Variants in UGT1A4 observed in about 807,000 individuals in gnomAD.
The protein encoded by UGT1A4 is UDP glucuronosyltransferase family 1 member A4, also known as UDP-glucuronosyltransferase 1A4.
In UGT1A4, 32 loss-of-function variants were observed where a neutral mutation model predicts 41.1. The ratio of observed to expected loss-of-function variants is 0.78; its 90% confidence interval spans 0.59 to 1.05. The LOEUF (loss-of-function observed/expected upper bound fraction) is 1.05. Ranked by LOEUF, UGT1A4 falls within the 50% of genes least tolerant of loss-of-function variation. The pLI is 0.00. For synonymous variants in UGT1A4, 283 were observed against 265.1 expected, an observed-to-expected ratio of 1.07 and a Z score of -0.66; for missense variants, 748 against 677.4, an observed-to-expected ratio of 1.10 and a Z score of -1.16.
At chr2:233,729,450 G>A (rs1394250627) in intron 1 of UGT1A4, 1 of 1,614,082 alleles carries the variant, frequency 6.2e-7, no homozygotes, top group Admixed American at 1.7e-5. Flanking sequence ...ATTTTCTGAA[G>A]AAATTTTTCA....
rs1385911118 is a variant in UGT1A4 at position 233,719,570 on chromosome 2, C to T, written c.750C>T (p.Ser250=). 16 of 1,613,822 alleles carry T rather than the reference C, an allele frequency of 9.9e-6. No individual in the cohort carries two copies. Among genetic ancestry groups the T allele is most frequent in the African/African-American group, 1.3e-5 (1 of 74,888 alleles). ...QREVSVVDLV[S]YASVWLFRGD... ...AGGTGTCAGTGGTGGATCTTGTCAG[C>T]TATGCATCCGTGTGGCTGTTCCGAG... The change falls in exon 1 of 5, where the codon AGC becomes AGT. Residue 250 remains serine, a synonymous_variant. Transcript: ENST00000373409.
intron 1 of UGT1A4, among the ~76,000 whole-genome samples, chr2:233,766,542 G>T (rs186130827): frequency 4.6e-5 from 7 of 152,298 alleles, no homozygotes; most frequent in African/African-American, 1.7e-4. Context: ...AAACAAAAAT[G>T]CCTGTCCTCA....
chr2:233,733,519 G>C (rs951555502), intron 1 of UGT1A4, among the ~76,000 whole-genome samples: 3 of 152,168 alleles, frequency 2.0e-5, no homozygotes, highest in Non-Finnish European at 2.9e-5. Context: ...AGGCATGAAG[G>C]GATGTTTAAT....
intron 1 of UGT1A4, among the ~76,000 whole-genome samples, chr2:233,764,553 G>A (rs1698592090): frequency 1.3e-5 from 2 of 152,198 alleles, no homozygotes; most frequent in South Asian, 4.1e-4. Flanking sequence ...GTGTGGGAGG[G>A]TGTGCCTGGA....
intron 1 of UGT1A4, among the ~76,000 whole-genome samples, chr2:233,765,655 G>A (rs1698901056): frequency 6.6e-6 from 1 of 151,526 alleles, no homozygotes; most frequent in African/African-American, 2.4e-5. Context: ...AATAGGTGCA[G>A]CAAACCACCA....
chr2:233,739,804 C>T (rs901133058), intron 1 of UGT1A4, among the ~76,000 whole-genome samples: 1 of 152,002 alleles, frequency 6.6e-6, no homozygotes, highest in Non-Finnish European at 1.5e-5. Flanking sequence ...GTTGGGAAGG[C>T]ATGATTGGTT....
Position 233,772,812 on chromosome 2 carries a change from C to T in UGT1A4, c.*253C>T, listed in dbSNP as rs61757316. ...ATGACATGTGCCATTTTTCAGAGGA[C>T]GTGCAGACAGGCTGGCATTCTAGAT... On this transcript the variant is annotated 3_prime_UTR_variant, in exon 5 of 5. Coordinates refer to ENST00000373409, the MANE Select transcript of UGT1A4 (RefSeq NM_007120.3). The T allele has an allele frequency of 4.4e-5, 46 of 1,035,780 alleles. No individual in the cohort carries two copies. The highest frequency in any genetic ancestry group is 6.9e-4 in the Middle Eastern group (2 of 2,918). 64.2% of individuals were successfully genotyped at this position (1,035,780 alleles called of 1,614,324 possible).
At chr2:233,766,917 A>C (rs993857330) in intron 1 of UGT1A4, 117 bp from the exon 2 acceptor site, 136 of 1,547,100 alleles carry the variant, frequency 8.8e-5, no homozygotes, top group Admixed American at 4.9e-4. Flanking sequence ...CTCTATCTCA[A>C]ACACGCATGC....
chr2:233,755,755 T>A (rs1696010342), intron 1 of UGT1A4: 1 of 152,982 alleles, frequency 6.5e-6, no homozygotes, highest in East Asian at 1.9e-4. Context: ...GGTGCCCATT[T>A]GCTTTTGTTC....
intron 1 of UGT1A4, among the ~76,000 whole-genome samples, chr2:233,724,579 G>A (rs1401328538): frequency 7.9e-6 from 1 of 126,878 alleles, no homozygotes; most frequent in Non-Finnish European, 1.6e-5. Context: ...GGGCAGAGGC[G>A]CTCCCCACAT....
At chr2:233,772,049 G>A (rs371064452) in intron 4 of UGT1A4, among the ~76,000 whole-genome samples, 4 of 152,178 alleles carry the variant, frequency 2.6e-5, no homozygotes, top group African/African-American at 9.7e-5. Context: ...GGAGTTGGAG[G>A]CTGCAGTTAG....
chr2:233,739,478 C>G (rs945148386), intron 1 of UGT1A4, among the ~76,000 whole-genome samples: 1 of 152,180 alleles, frequency 6.6e-6, no homozygotes, highest in African/African-American at 2.4e-5. Flanking sequence ...ACCGTGGGAG[C>G]CCATTTCTGG....
chr2:233,743,661 G>T, intron 1 of UGT1A4: 1 of 1,367,236 alleles, frequency 7.3e-7, no homozygotes, highest in Non-Finnish European at 9.8e-7. Flanking sequence ...TACTCGAAGG[G>T]GTCCTCGAAG....
chr2:233,741,893 G>A (rs1575644502), intron 1 of UGT1A4: 1 of 151,848 alleles, frequency 6.6e-6, no homozygotes. Context: ...TAGAAGAAGG[G>A]ACCCTTTGTG....
chr2:233,757,539 T>TATATACATATACATATATAC (rs762018928), intron 1 of UGT1A4, among the ~76,000 whole-genome samples: 1 of 115,748 alleles, frequency 8.6e-6, no homozygotes, highest in African/African-American at 3.8e-5. Flanking sequence ...GTAAGGAATA[T>TATATACATATACATATATAC]ATATATATAT....
chr2:233,723,176 A>G (rs1210929183), intron 1 of UGT1A4, among the ~76,000 whole-genome samples: 2 of 134,084 alleles, frequency 1.5e-5, no homozygotes, highest in African/African-American at 5.9e-5. Context: ...TGCCCAAACC[A>G]TAGAAGGGTC....
chr2:233,762,837 TAGGC>T (rs1698177979), intron 1 of UGT1A4, among the ~76,000 whole-genome samples: 1 of 152,150 alleles, frequency 6.6e-6, no homozygotes, highest in South Asian at 2.1e-4. Context: ...TAAAAAATAA[TAGGC>T]AGTCATTTGC....
chr2:233,738,766 T>G (rs1690890490), intron 1 of UGT1A4, among the ~76,000 whole-genome samples: 1 of 152,128 alleles, frequency 6.6e-6, no homozygotes, highest in Non-Finnish European at 1.5e-5. Context: ...AAAACCCATT[T>G]TATGGGGAGA....
Position 233,772,832 on chromosome 2 carries a change from C to CACACAAGAAAGCCAGCAAGG in UGT1A4, c.*273_*274insACACAAGAAAGCCAGCAAGG. On this transcript the variant is annotated 3_prime_UTR_variant, in exon 5 of 5. Coordinates refer to ENST00000373409, the MANE Select transcript of UGT1A4 (RefSeq NM_007120.3). ...GAGGACGTGCAGACAGGCTGGCATT[C>CACACAAGAAAGCCAGCAAGG]TAGATTACTTTTCTTACTCTGAAAC... is the stretch of plus-strand genomic sequence containing the variant. 1 of 899,520 alleles carries CACACAAGAAAGCCAGCAAGG rather than the reference C, an allele frequency of 1.1e-6. No individual in the cohort carries two copies. The highest frequency in any genetic ancestry group is 1.5e-6 in the Non-Finnish European group (1 of 646,890). The allele number at this position is 899,520 out of a possible 1,614,324, so 55.7% of individuals were successfully genotyped here. A position where few individuals can be genotyped will look rare whatever the true frequency, so the allele number is the denominator to read the frequency against.
Sources: gnomAD v4.1 joint callset for allele counts (sites outside exome capture counted in the v4.1 genomes callset) on GRCh38, gnomAD v4.1.1 for gene constraint, MANE v1.5 for transcripts, NCBI Gene and HGNC (gene_info 2026-07-23, HGNC 2026-07-21) for gene names.